XPO7: variants seen among roughly 807,000 people sequenced by gnomAD.
XPO7 encodes exportin 7.
Under a neutral mutation model 144.3 loss-of-function variants are expected in XPO7, and 21 were observed. The ratio of observed to expected loss-of-function variants is 0.15; its 90% CI spans 0.10 to 0.21. The LOEUF (loss-of-function observed/expected upper bound fraction) is 0.21. XPO7 is among the 10% of genes least tolerant of loss of function. The probability of loss-of-function intolerance (pLI) is 1.00; values close to 1 mark genes in which losing one functional copy is unlikely to be tolerated. For missense variants in XPO7, 808 were observed against 1,325.8 expected (o/e 0.61, Z 6.06); for synonymous variants, 580 against 499.6 (o/e 1.16, Z -2.15).
At chr8:21,982,311 T>G (rs1318087858) in intron 10 of XPO7, among the ~76,000 whole-genome samples, 1 of 152,132 alleles carries the variant, frequency 6.6e-6, no homozygotes, top group Non-Finnish European at 1.5e-5. Context: ...TAATTTCTGG[T>G]TCAGTAGGTC....
chr8:21,990,306 G>A lies in XPO7; in HGVS notation c.1869-38G>A, dbSNP rs201295138. ...TCCATCTGCCTTAGAGTTTCGGCCT[G>A]CTTCACACTTTCCTTGACCTTCTTC... On this transcript the variant is annotated intron_variant, in intron 16 of 27. Coordinates refer to ENST00000252512, the MANE Select transcript of XPO7 (RefSeq NM_015024.5). 16 of 1,608,214 alleles carry A rather than the reference G, an allele frequency of 9.9e-6. No individual in the cohort carries two copies. In the African/African-American group the frequency reaches 2.0e-4, roughly 20 times the overall value.
intron 1 of XPO7, among the ~76,000 whole-genome samples, chr8:21,944,413 C>G (rs1396632458): frequency 6.6e-6 from 1 of 151,900 alleles, no homozygotes; most frequent in African/African-American, 2.4e-5. Context: ...ACTAAAAGTA[C>G]AAAATTAGCC....
chr8:21,966,231 T>C, intron 1 of XPO7: 1 of 769,802 alleles, frequency 1.3e-6, no homozygotes, highest in Non-Finnish European at 2.4e-6. Context: ...GCTTTCATTT[T>C]AAATTTGGAA....
intron 1 of XPO7, among the ~76,000 whole-genome samples, chr8:21,945,147 CG>C (rs1406482813): frequency 1.3e-5 from 2 of 152,248 alleles, no homozygotes; most frequent in East Asian, 3.9e-4. Flanking sequence ...GGGTGGCGGC[CG>C]GGCAGAGGGG....
At chr8:21,999,985 C>G (rs1051040546) in intron 24 of XPO7, among the ~76,000 whole-genome samples, 10 of 152,178 alleles carry the variant, frequency 6.6e-5, no homozygotes, top group Non-Finnish European at 1.3e-4. Context: ...ACCATACTTA[C>G]CACTTAAACA....
At chr8:21,949,495 TCAGAGTAGTTA>T (rs1811301028) in intron 1 of XPO7, among the ~76,000 whole-genome samples, 2 of 152,254 alleles carry the variant, frequency 1.3e-5, no homozygotes, top group African/African-American at 4.8e-5. Flanking sequence ...ATTAATTGTG[TCAGAGTAGTTA>T]CAGAATGGGT....
chr8:21,977,748 C>T (rs1476331292), intron 7 of XPO7, 22 bp from the exon 8 acceptor site: 2 of 1,612,346 alleles, frequency 1.2e-6, no homozygotes, highest in Admixed American at 1.7e-5. Context: ...AAAGTGATGT[C>T]TTTTGTCTTT....
chr8:21,981,401 G>T (rs1050943560), intron 9 of XPO7, among the ~76,000 whole-genome samples: 2 of 152,264 alleles, frequency 1.3e-5, no homozygotes, highest in Middle Eastern at 3.4e-3. Context: ...GTCTTAGGTC[G>T]TGCCCACTTC....
At chr8:21,980,368 A>C (rs921917135) in intron 9 of XPO7, among the ~76,000 whole-genome samples, 165 bp downstream of exon 9, 4 of 152,182 alleles carry the variant, frequency 2.6e-5, no homozygotes, top group African/African-American at 9.6e-5. Flanking sequence ...TATTTGCCCA[A>C]AAGAGGAGCT....
intron 5 of XPO7, among the ~76,000 whole-genome samples, chr8:21,973,943 A>C (rs1440920299): frequency 2.0e-5 from 3 of 152,240 alleles, no homozygotes; most frequent in African/African-American, 7.2e-5. Context: ...AATAGGTTAG[A>C]AAAGGAGGTG....
In XPO7 at chr8:21,928,297, G is replaced by A. The variant is rs141201525; in HGVS notation, c.18+8509G>A. ...ACTTTTCATTGTTGCCAAGTATTCC[G>A]TTGTATGAATATATCACATTGGATG... On this transcript the variant is annotated intron_variant, in intron 1 of 27. Transcript: ENST00000252512. Among the ~76,000 whole-genome samples, 174 of 152,266 alleles carry A rather than the reference G, an allele frequency of 1.1e-3. 1 individual carries two copies. The highest frequency in any genetic ancestry group is 3.4e-3 in the Middle Eastern group (1 of 294).
At chr8:21,962,115 A>G (rs922326416) in intron 1 of XPO7, among the ~76,000 whole-genome samples, 1 of 152,212 alleles carries the variant, frequency 6.6e-6, no homozygotes, top group African/African-American at 2.4e-5. Context: ...GACTTGGTAA[A>G]CTTTTTCCTT....
intron 1 of XPO7, among the ~76,000 whole-genome samples, chr8:21,921,255 A>G (rs1432799549): frequency 6.6e-6 from 1 of 152,226 alleles, no homozygotes; most frequent in East Asian, 1.9e-4. Context: ...TACAAGACTC[A>G]GGCAGGAATT....
intron 8 of XPO7, among the ~76,000 whole-genome samples, chr8:21,979,510 C>A (rs1344514423): frequency 6.6e-6 from 1 of 151,072 alleles, no homozygotes; most frequent in Non-Finnish European, 1.5e-5. Flanking sequence ...CAGCTTCAAG[C>A]GATTCTCCTC....
At chr8:21,966,327 T>A (rs956395890) in intron 1 of XPO7, 3 of 780,196 alleles carry the variant, frequency 3.8e-6, no homozygotes, top group Non-Finnish European at 7.2e-6. Flanking sequence ...CGTAAATACA[T>A]CTTGAAGCTT....
Position 21,970,661 on chromosome 8 carries a change from C to T in XPO7, c.426+351C>T, listed in dbSNP as rs145685142. ...CCAGTACATATATTTTGAATAAGTG[C>T]GTTTGTAGGGTCAATTCCTAGCCTT... is the stretch of plus-strand genomic sequence containing the variant. On this transcript the variant is annotated intron_variant, in intron 4 of 27. Transcript: ENST00000252512. Among the ~76,000 whole-genome samples, 565 of 152,190 alleles carry T rather than the reference C, an allele frequency of 3.7e-3. 2 individuals carry two copies. The highest frequency in any genetic ancestry group is 0.013 in the African/African-American group (540 of 41,520).
intron 1 of XPO7, among the ~76,000 whole-genome samples, chr8:21,929,046 A>G (rs1310668712): frequency 3.9e-5 from 6 of 152,242 alleles, no homozygotes; most frequent in African/African-American, 1.4e-4. Flanking sequence ...GTACCAGCCC[A>G]GTATGTTTCT....
chr8:21,920,385 C>T (rs1360340907), intron 1 of XPO7, among the ~76,000 whole-genome samples: 4 of 152,062 alleles, frequency 2.6e-5, no homozygotes, highest in Non-Finnish European at 5.9e-5. Context: ...CCGAGCTCCC[C>T]GGTCTTCCAA....
intron 1 of XPO7, among the ~76,000 whole-genome samples, chr8:21,937,020 A>G (rs1358541127): frequency 6.6e-6 from 1 of 152,134 alleles, no homozygotes; most frequent in Non-Finnish European, 1.5e-5. Context: ...CCTTTAGATC[A>G]CTCTTAACGG....
Sources: gnomAD v4.1 joint callset for allele counts (sites outside exome capture counted in the v4.1 genomes callset) on GRCh38, gnomAD v4.1.1 for gene constraint, MANE v1.5 for transcripts, NCBI Gene and HGNC (gene_info 2026-07-23, HGNC 2026-07-21) for gene names.